Variants in NCKAP5 observed in about 807,000 individuals in gnomAD.
NCKAP5 encodes NCK associated protein 5.
Under a neutral mutation model 167.0 loss-of-function variants are expected in NCKAP5, and 92 were observed. That is an observed-to-expected ratio of 0.55 (90% CI 0.47 to 0.66). NCKAP5 has a LOEUF of 0.66. Ranked by LOEUF, NCKAP5 falls within the 30% of genes least tolerant of loss-of-function variation. The pLI is 0.00. For synonymous variants in NCKAP5, 891 were observed against 877.4 expected, an observed-to-expected ratio of 1.02 and a Z score of -0.27; for missense variants, 2,378 against 2,315.0, an observed-to-expected ratio of 1.03 and a Z score of -0.56.
intron 5 of NCKAP5, among the ~76,000 whole-genome samples, chr2:133,165,477 C>T (rs2083962146): frequency 6.6e-6 from 1 of 152,054 alleles, no homozygotes; most frequent in African/African-American, 2.4e-5. Flanking sequence ...TGTGGTACAT[C>T]CATGCAATGT....
rs112207740 is a variant in NCKAP5, at chr2:132,890,165, T to A, written c.580-11249A>T. On this transcript the variant is annotated intron_variant, in intron 8 of 19. Transcript: ENST00000409261. The stretch of plus-strand genomic sequence containing the variant: ...CAATTCAACTCATGGTTTGGCCCCA[T>A]AGGTAAGAAAAGGTGCTTCTGTACT... 8.5e-5 allele frequency among the ~76,000 whole-genome samples: 13 copies of A among 152,294 alleles called. 1 individual carries two copies. Among genetic ancestry groups the A allele is most frequent in the African/African-American group, 2.9e-4 (12 of 41,558 alleles).
At chr2:133,656,922 C>A in the NCKAP5 span, among the ~76,000 whole-genome samples, 1 of 152,052 alleles carries the variant, frequency 6.6e-6, no homozygotes, top group African/African-American at 2.4e-5. Context: ...TCCCCGTCCC[C>A]CTCCCACCCT....
intron 3 of NCKAP5, among the ~76,000 whole-genome samples, chr2:133,365,031 G>A (rs1399744073): frequency 1.3e-5 from 2 of 152,110 alleles, no homozygotes; most frequent in East Asian, 1.9e-4. Context: ...GATTACAGGT[G>A]TGAGCCACCA....
intron 8 of NCKAP5, among the ~76,000 whole-genome samples, chr2:132,885,300 A>C (rs1692131146): frequency 6.6e-6 from 1 of 152,212 alleles, no homozygotes; most frequent in African/African-American, 2.4e-5. Context: ...CAGAGAGGGA[A>C]AGGAAAGAGA....
chr2:133,171,022 C>T (rs2084226994), intron 5 of NCKAP5, among the ~76,000 whole-genome samples: 1 of 152,084 alleles, frequency 6.6e-6, no homozygotes, highest in Non-Finnish European at 1.5e-5. Context: ...GCGATACTGA[C>T]AATTTTTGAA....
intron 6 of NCKAP5, among the ~76,000 whole-genome samples, chr2:133,014,875 C>A (rs922367401): frequency 1.3e-5 from 2 of 152,120 alleles, no homozygotes; most frequent in African/African-American, 4.8e-5. Flanking sequence ...ATCTAAGATT[C>A]TAAATGGGTA....
chr2:133,481,761 A>T (rs557283913), intron 3 of NCKAP5, among the ~76,000 whole-genome samples: 15 of 152,242 alleles, frequency 9.9e-5, no homozygotes, highest in African/African-American at 3.6e-4. Context: ...AAAGGACATG[A>T]TCTCATTCTT....
intron 6 of NCKAP5, among the ~76,000 whole-genome samples, chr2:133,040,121 T>A (rs1007335489): frequency 1.3e-5 from 2 of 152,038 alleles, no homozygotes; most frequent in Admixed American, 6.6e-5. Context: ...ACATCTAGCA[T>A]GCCTTATTAA....
intron 8 of NCKAP5, among the ~76,000 whole-genome samples, chr2:132,937,791 C>T (rs1396572986): frequency 1.3e-5 from 2 of 152,206 alleles, no homozygotes; most frequent in Non-Finnish European, 2.9e-5. Flanking sequence ...GGGCTTCCAC[C>T]AAAGATTTGT....
chr2:132,718,240 C>T (rs1689559790), intron 19 of NCKAP5, among the ~76,000 whole-genome samples: 1 of 152,148 alleles, frequency 6.6e-6, no homozygotes, highest in Non-Finnish European at 1.5e-5. Flanking sequence ...AAGTCTCTCT[C>T]TTGCTTTCAC....
chr2:132,901,581 A>G (rs183608457), intron 8 of NCKAP5, among the ~76,000 whole-genome samples: 20 of 152,348 alleles, frequency 1.3e-4, no homozygotes, highest in Admixed American at 1.2e-3. Flanking sequence ...GAAACGCATT[A>G]AGTAAACAAT....
chr2:132,967,184 C>A (rs1442548601), intron 7 of NCKAP5, among the ~76,000 whole-genome samples: 1 of 150,396 alleles, frequency 6.6e-6, no homozygotes, highest in Non-Finnish European at 1.5e-5. Flanking sequence ...CACACACACA[C>A]ACACACACAC....
intron 3 of NCKAP5, among the ~76,000 whole-genome samples, chr2:133,351,504 T>C (rs2150817924): frequency 6.6e-6 from 1 of 152,202 alleles, no homozygotes; most frequent in Middle Eastern, 3.4e-3. Flanking sequence ...AAATGTACCG[T>C]GCTTAACACA....
chr2:133,274,934 A>G (rs2089665454), intron 4 of NCKAP5, among the ~76,000 whole-genome samples: 2 of 151,972 alleles, frequency 1.3e-5, no homozygotes, highest in African/African-American at 2.4e-5. Flanking sequence ...GAAGCACTTT[A>G]CTGTATTAAA....
At chr2:133,331,223 C>A (rs1490994239) in intron 3 of NCKAP5, among the ~76,000 whole-genome samples, 3 of 152,198 alleles carry the variant, frequency 2.0e-5, no homozygotes, top group African/African-American at 7.2e-5. Flanking sequence ...ATTTATACTC[C>A]TTTTTTGTTG....
At chr2:133,557,129 G>A (rs1336559287) in intron 2 of NCKAP5, among the ~76,000 whole-genome samples, 3 of 152,166 alleles carry the variant, frequency 2.0e-5, no homozygotes, top group African/African-American at 7.2e-5. Context: ...TATTTTTGGT[G>A]CTGATAATGC....
the NCKAP5 span, among the ~76,000 whole-genome samples, chr2:133,607,638 C>T: frequency 6.6e-6 from 1 of 152,050 alleles, no homozygotes. Context: ...TTTGATGATG[C>T]CTAAGGGTAT....
intron 4 of NCKAP5, chr2:133,268,481 T>TTTA (rs1228248740): frequency 1.4e-5 from 2 of 141,394 alleles, no homozygotes; most frequent in African/African-American, 5.5e-5. Context: ...TTTACAGCCT[T>TTTA]TTTTTTTTTT....
intron 6 of NCKAP5, among the ~76,000 whole-genome samples, chr2:133,000,216 C>T (rs553019166): frequency 1.4e-4 from 22 of 152,086 alleles, no homozygotes; most frequent in Non-Finnish European, 1.6e-4. Flanking sequence ...TATTTGACTC[C>T]CAAACTTCTC....
Sources: gnomAD v4.1 joint callset for allele counts (sites outside exome capture counted in the v4.1 genomes callset) on GRCh38, gnomAD v4.1.1 for gene constraint, MANE v1.5 for transcripts, NCBI Gene and HGNC (gene_info 2026-07-23, HGNC 2026-07-21) for gene names.